Variants in ACSL1 observed in about 807,000 individuals in gnomAD.
ACSL1 encodes acyl-CoA synthetase long chain family member 1, also known as long-chain-fatty-acid--CoA ligase 1.
A neutral mutation model predicts 98.4 loss-of-function variants in ACSL1; 41 were observed. The observed-to-expected ratio is 0.42, with a 90% CI of 0.32 to 0.54. The LOEUF (loss-of-function observed/expected upper bound fraction) is 0.54. Ranked by LOEUF, ACSL1 falls within the 20% of genes least tolerant of loss-of-function variation. The pLI, the probability that ACSL1 is intolerant of heterozygous loss-of-function variation, is 0.13. For synonymous variants in ACSL1, 316 were observed against 322.7 expected, an observed-to-expected ratio of 0.98 and a Z score of 0.22; for missense variants, 734 against 883.1, an observed-to-expected ratio of 0.83 and a Z score of 2.14.
intron 1 of ACSL1, among the ~76,000 whole-genome samples, chr4:184,814,154 G>A (rs1772391637): frequency 6.6e-6 from 1 of 152,052 alleles, no homozygotes; most frequent in South Asian, 2.1e-4. Context: ...AGCCATGCAT[G>A]GTGGTGGGCT....
rs751120910 is a variant in ACSL1 at position 184,766,005 on chromosome 4, G to A, written c.1264-19C>T. Reference sequence around the variant, plus strand: ...GGCTCGACTTTCAGGGAGGGAGAGTGGGAGAAGGTGAGGGTTACACACCTG... The same window carrying A: ...GGCTCGACTTTCAGGGAGGGAGAGTAGGAGAAGGTGAGGGTTACACACCTG... On this transcript the variant is annotated intron_variant, in intron 13 of 20. Coordinates refer to ENST00000281455, the MANE Select transcript of ACSL1 (RefSeq NM_001995.5). The surrounding 1 kb of genome is among the most constrained non-coding windows in gnomAD (Gnocchi z 4.8). 3.7e-6 allele frequency: 6 copies of A among 1,612,292 alleles called. No individual in the cohort carries two copies. Among genetic ancestry groups the A allele is most frequent in the Non-Finnish European group, 4.2e-6 (5 of 1,179,048 alleles).
At position 184,767,277 on chromosome 4, in the gene ACSL1, C is replaced by A. The variant is rs568709211; in HGVS notation, c.1129-521G>T. Among the ~76,000 whole-genome samples, 655 of 133,184 alleles carry A rather than the reference C, an allele frequency of 4.9e-3. 8 individuals are homozygous for A. The highest frequency in any genetic ancestry group is 0.017 in the African/African-American group (611 of 35,726). The allele number at this position is 133,184 out of a possible 152,430, so 87.4% of individuals were successfully genotyped here. Reference sequence around the variant, plus strand: ...AGCCTGGATGACAGAGAGAGAGACCCTGTCTCAAAAAAAAAAAAAAAAAAG... The same window carrying A: ...AGCCTGGATGACAGAGAGAGAGACCATGTCTCAAAAAAAAAAAAAAAAAAG... On this transcript the variant is annotated intron_variant, in intron 12 of 20. Transcript: ENST00000281455.
chr4:184,821,665 C>T (rs1773079207), intron 1 of ACSL1, among the ~76,000 whole-genome samples: 1 of 152,142 alleles, frequency 6.6e-6, no homozygotes, highest in Admixed American at 6.5e-5. Flanking sequence ...AAACATATAA[C>T]AAAGGTTGGT....
At chr4:184,788,532 G>A in intron 3 of ACSL1, 85 bp downstream of exon 3, 1 of 1,098,512 alleles carries the variant, frequency 9.1e-7, no homozygotes, top group Non-Finnish European at 1.4e-6. Context: ...GCGAAAGATA[G>A]GAGCAAATGT....
intron 1 of ACSL1, chr4:184,820,984 G>C: frequency 2.2e-6 from 1 of 455,724 alleles, no homozygotes; most frequent in Non-Finnish European, 4.4e-6. Context: ...AGACTGCCTA[G>C]GTTCAAATTC....
At position 184,773,644 on chromosome 4, in the gene ACSL1, A is replaced by C; in HGVS notation, c.841+19T>G. On this transcript the variant is annotated intron_variant, in intron 9 of 20. Coordinates refer to ENST00000281455, the MANE Select transcript of ACSL1 (RefSeq NM_001995.5). This position sits in a 1 kb window ranked among gnomAD's most constrained non-coding sequence, Gnocchi z 4.3. ...CCAATGGCTGCCATATGTAGAAGCA[A>C]TTCTATCTCAAAACTCACCTGTAGT... The C allele has an allele frequency of 1.2e-6, 2 of 1,608,326 alleles. No homozygotes were observed. The highest frequency in any genetic ancestry group is 1.7e-6 in the Non-Finnish European group (2 of 1,177,732).
chr4:184,793,046 T>C (rs955123127), intron 2 of ACSL1, among the ~76,000 whole-genome samples: 13 of 152,176 alleles, frequency 8.5e-5, no homozygotes, highest in Admixed American at 1.3e-4. Flanking sequence ...TGTGGGTCGC[T>C]TGGGCTCAAG....
In ACSL1 at chr4:184,766,645, G is replaced by C; in HGVS notation, c.1240C>G (p.Arg414Gly). The change falls in exon 13 of 21, where the codon CGG becomes GGG. Residue 414 changes from arginine to glycine, a missense_variant. Arg to Gly is a moderately radical substitution (Grantham distance 125). Transcript: ENST00000281455. The surrounding 1 kb of genome is among the most constrained non-coding windows in gnomAD (Gnocchi z 4.8). ...ACCTGTACTTTGTGGAAGATCAGCCGGTCCCACAGGCTGTTGTTTCTGATG... is the reference window on the plus strand; with the variant it reads ...ACCTGTACTTTGTGGAAGATCAGCCCGTCCCACAGGCTGTTGTTTCTGATG... ...GIIRNNSLWD[R>G]LIFHKVQSSL... 1 of 1,614,102 alleles carries C rather than the reference G, an allele frequency of 6.2e-7. No homozygotes were observed. Among genetic ancestry groups the C allele is most frequent in the South Asian group, 1.1e-5 (1 of 91,074 alleles).
intron 1 of ACSL1, among the ~76,000 whole-genome samples, chr4:184,824,717 T>G (rs1326546945): frequency 6.6e-6 from 1 of 152,180 alleles, no homozygotes; most frequent in Non-Finnish European, 1.5e-5. Flanking sequence ...TCCAATCTGA[T>G]GGCGAGCAAT....
chr4:184,822,908 T>TA (rs1773180047), intron 1 of ACSL1, among the ~76,000 whole-genome samples: 1 of 152,206 alleles, frequency 6.6e-6, no homozygotes, highest in African/African-American at 2.4e-5. Flanking sequence ...ATGACAATCT[T>TA]AGAGTCGCTG....
intron 1 of ACSL1, among the ~76,000 whole-genome samples, chr4:184,810,847 G>T (rs559566751): frequency 6.6e-6 from 1 of 152,188 alleles, no homozygotes; most frequent in East Asian, 1.9e-4. Context: ...CTACGGGACT[G>T]CGCACAGGGC....
intron 1 of ACSL1, among the ~76,000 whole-genome samples, chr4:184,819,154 T>C (rs1003909780): frequency 3.3e-5 from 5 of 149,482 alleles, no homozygotes; most frequent in Admixed American, 6.6e-5. Flanking sequence ...TTTTTTTTTT[T>C]TTTTTGGAGA....
chr4:184,811,665 G>A (rs1275464614), intron 1 of ACSL1, among the ~76,000 whole-genome samples: 1 of 152,072 alleles, frequency 6.6e-6, no homozygotes, highest in Non-Finnish European at 1.5e-5. Flanking sequence ...GAGGAGGAAT[G>A]AGCGTTATTG....
chr4:184,819,119 G>A (rs970039767), intron 1 of ACSL1, among the ~76,000 whole-genome samples: 24 of 151,408 alleles, frequency 1.6e-4, no homozygotes, highest in Admixed American at 4.6e-4. Flanking sequence ...GCCAACATGG[G>A]CATCGTACCA....
intron 3 of ACSL1, among the ~76,000 whole-genome samples, chr4:184,785,675 GA>G (rs1175032285): frequency 7.3e-6 from 1 of 136,402 alleles, no homozygotes; most frequent in African/African-American, 2.7e-5. Context: ...TACAGATCAA[GA>G]AGACTGGACA....
In ACSL1 at chr4:184,757,327, C is replaced by T. The variant is rs757836056; in HGVS notation, c.1957-62G>A. ...ACACGGGCCACCAGTCTCAAAAGCA[C>T]GTAAGCCTTGGAGGGGATCAACACT... On this transcript the variant is annotated intron_variant, in intron 20 of 20. Coordinates refer to ENST00000281455, the MANE Select transcript of ACSL1 (RefSeq NM_001995.5). The surrounding 1 kb of genome is among the most constrained non-coding windows in gnomAD (Gnocchi z 4.5). The T allele has an allele frequency of 3.4e-5, 52 of 1,546,204 alleles. No homozygotes were observed. In the Middle Eastern group the frequency reaches 9.7e-4, roughly 29 times the overall value.
At chr4:184,814,394 G>A (rs1445485306) in intron 1 of ACSL1, among the ~76,000 whole-genome samples, 2 of 151,798 alleles carry the variant, frequency 1.3e-5, no homozygotes, top group African/African-American at 2.4e-5. Flanking sequence ...GTAAGAGAAG[G>A]GAAAAGATGG....
Position 184,764,894 on chromosome 4 carries a change from GT to G in ACSL1, c.1390del (p.Thr464LeufsTer6), listed in dbSNP as rs1210176217. On this transcript the variant is annotated frameshift_variant, in exon 15 of 21. Coordinates refer to ENST00000281455, the MANE Select transcript of ACSL1 (RefSeq NM_001995.5). LOFTEE classifies it high-confidence loss of function. ...AGGCATGGTCAGGCAGCACCCGGCA[GT>G]GCACTCTGTCTGTCCGTATCCTTCA... ...FYEGYGQTEC[T>X]AGCCLTMPGD... 6.2e-7 allele frequency: 1 copy of G among 1,613,914 alleles called. No individual in the cohort carries two copies. Among genetic ancestry groups the G allele is most frequent in the Non-Finnish European group, 8.5e-7 (1 of 1,179,966 alleles).
intron 1 of ACSL1, chr4:184,813,803 T>C (rs1331431487): frequency 2.2e-5 from 10 of 455,552 alleles, no homozygotes; most frequent in Admixed American, 4.7e-5. Flanking sequence ...CAAATGTCCT[T>C]TCACAGTAGC....
Sources: gnomAD v4.1 joint callset for allele counts (sites outside exome capture counted in the v4.1 genomes callset) on GRCh38, gnomAD v4.1.1 for gene constraint, Gnocchi (gnomAD v3.1) non-coding constraint, MANE v1.5 for transcripts, NCBI Gene and HGNC (gene_info 2026-07-23, HGNC 2026-07-21) for gene names.